Variants in MYCBP2 observed in about 807,000 individuals in gnomAD.
MYCBP2 encodes MYC binding protein 2, also known as E3 ubiquitin-protein ligase MYCBP2.
A neutral mutation model predicts 525.3 loss-of-function variants in MYCBP2; 120 were observed. The ratio of observed to expected loss-of-function variants is 0.23; its 90% confidence interval spans 0.20 to 0.27. MYCBP2 has a LOEUF of 0.27. MYCBP2 is among the 10% of genes least tolerant of loss of function. The pLI is 1.00. For synonymous variants in MYCBP2, 1,894 were observed against 1,955.8 expected (o/e 0.97, Z 0.83); for missense variants, 4,149 against 5,657.1 (o/e 0.73, Z 8.55).
intron 82 of MYCBP2, among the ~76,000 whole-genome samples, chr13:77,045,960 T>G (rs1374957270): frequency 6.6e-6 from 1 of 152,214 alleles, no homozygotes; most frequent in East Asian, 1.9e-4. Flanking sequence ...TTATTTTTAC[T>G]GATGAAAAAG....
intron 30 of MYCBP2, among the ~76,000 whole-genome samples, chr13:77,187,142 A>G (rs906029624): frequency 3.9e-5 from 6 of 152,190 alleles, no homozygotes; most frequent in Non-Finnish European, 8.8e-5. Context: ...ATGACTGAAT[A>G]AGTTTTGTAT....
chr13:77,196,505 C>T (rs775027257), intron 26 of MYCBP2, among the ~76,000 whole-genome samples: 3 of 152,188 alleles, frequency 2.0e-5, no homozygotes, highest in Non-Finnish European at 4.4e-5. Context: ...TGTGGCATGA[C>T]CCAACCTGAT....
intron 37 of MYCBP2, among the ~76,000 whole-genome samples, chr13:77,172,677 G>A (rs975856832): frequency 1.7e-4 from 26 of 152,206 alleles, no homozygotes; most frequent in African/African-American, 6.0e-4. Flanking sequence ...TGAACTAGGT[G>A]TAAAGTATGA....
At chr13:77,106,273 T>C (rs1173012566) in intron 55 of MYCBP2, among the ~76,000 whole-genome samples, 1 of 152,168 alleles carries the variant, frequency 6.6e-6, no homozygotes, top group Non-Finnish European at 1.5e-5. Context: ...AAATTAGTAA[T>C]ACATTATTTT....
At chr13:77,218,431 G>A (rs1233024941) in intron 20 of MYCBP2, among the ~76,000 whole-genome samples, 1 of 152,142 alleles carries the variant, frequency 6.6e-6, no homozygotes, top group Admixed American at 6.5e-5. Flanking sequence ...CAGTTAATGA[G>A]TCAAAACACA....
chr13:77,239,066 G>A (rs2068421537), intron 17 of MYCBP2, among the ~76,000 whole-genome samples: 1 of 152,138 alleles, frequency 6.6e-6, no homozygotes, highest in African/African-American at 2.4e-5. Flanking sequence ...GTTGCAGTGA[G>A]CCGAGATCGC....
chr13:77,112,070 T>G (rs2062678126), intron 55 of MYCBP2, among the ~76,000 whole-genome samples: 1 of 152,102 alleles, frequency 6.6e-6, no homozygotes, highest in South Asian at 2.1e-4. Flanking sequence ...ATTTGACATA[T>G]GTTAGCTTTT....
Position 77,062,599 on chromosome 13 carries a change from T to C in MYCBP2, c.12771A>G (p.Gln4257=), listed in dbSNP as rs760940252. The change falls in exon 74 of 83, where the codon CAA becomes CAG. Residue 4257 remains glutamine (Q), a synonymous_variant. Coordinates refer to ENST00000544440, the MANE Select transcript of MYCBP2 (RefSeq NM_015057.5). ...RWMGKDGQQK[Q]MPMCDNHDDG... ...TCTTACAAAATTCTGATCTTACCAT[T>C]TGTTTTTGTTGTCCATCCTTTCCCA... is the stretch of plus-strand genomic sequence containing the variant. The C allele has an allele frequency of 1.2e-6, 2 of 1,613,052 alleles. No homozygotes were observed. The highest frequency in any genetic ancestry group is 3.3e-5 in the Admixed American group (2 of 60,014).
intron 68 of MYCBP2, among the ~76,000 whole-genome samples, chr13:77,074,329 A>G (rs2041929026): frequency 6.6e-6 from 1 of 152,226 alleles, no homozygotes; most frequent in African/African-American, 2.4e-5. Flanking sequence ...AAATGTATAC[A>G]GTTCTAAAGA....
At position 77,246,545 on chromosome 13, in the gene MYCBP2, G is replaced by A. The variant is rs1218810389; in HGVS notation, c.2382-2594C>T. On this transcript the variant is annotated intron_variant, in intron 15 of 82. Coordinates refer to ENST00000544440, the MANE Select transcript of MYCBP2 (RefSeq NM_015057.5). ...GAAGGAGGAAAAGAAGGAGAAGGAG[G>A]AGGAGGAGGAGCAGGAGGAGAAGGA... 4.7e-5 allele frequency among the ~76,000 whole-genome samples: 7 copies of A among 150,398 alleles called. No homozygotes were observed. In the Admixed American group the frequency reaches 4.7e-4, roughly 10 times the overall value.
intron 18 of MYCBP2, among the ~76,000 whole-genome samples, chr13:77,227,991 TA>T (rs1331490404): frequency 6.6e-6 from 1 of 151,972 alleles, no homozygotes; most frequent in Non-Finnish European, 1.5e-5. Context: ...ATCTTACAAG[TA>T]AAAAAATTGA....
At chr13:77,251,106 A>C (rs775286447) in intron 15 of MYCBP2, 45 bp downstream of exon 15, 2 of 1,583,302 alleles carry the variant, frequency 1.3e-6, no homozygotes, top group Non-Finnish European at 1.7e-6. Flanking sequence ...TTTGCAAAGA[A>C]ATGTGTTCTG....
chr13:77,211,135 T>C, intron 23 of MYCBP2, 32 bp downstream of exon 23: 2 of 1,392,906 alleles, frequency 1.4e-6, no homozygotes, highest in Non-Finnish European at 1.9e-6. Context: ...GCATCAAAAC[T>C]TATTGACTAT....
chr13:77,310,460 T>C (rs933880100), intron 1 of MYCBP2, among the ~76,000 whole-genome samples: 2 of 152,196 alleles, frequency 1.3e-5, no homozygotes, highest in Non-Finnish European at 2.9e-5. Context: ...TTATATATAT[T>C]GTCTGTGGTT....
intron 18 of MYCBP2, among the ~76,000 whole-genome samples, chr13:77,229,517 A>G (rs1356347771): frequency 1.3e-5 from 2 of 152,216 alleles, no homozygotes; most frequent in African/African-American, 4.8e-5. Context: ...AATCTCAAAT[A>G]TTGTACCTTT....
chr13:77,189,060 G>C lies in MYCBP2; in HGVS notation c.4155-13C>G. On this transcript the variant is annotated splice_polypyrimidine_tract_variant and intron_variant, in intron 29 of 82. Transcript: ENST00000544440. ...ACTGGTTGGAAGTCTAAAGGCAGTA[G>C]ACACATATAAAATTATGTTAGAAAG... is the stretch of plus-strand genomic sequence containing the variant. The C allele has an allele frequency of 6.4e-7, 1 of 1,566,664 alleles. No individual in the cohort carries two copies.
chr13:77,121,240 T>C, intron 55 of MYCBP2, 133 bp downstream of exon 55: 1 of 868,392 alleles, frequency 1.2e-6, no homozygotes, highest in Non-Finnish European at 1.6e-6. Context: ...TAAACATTTT[T>C]TATTAGCTTT....
In MYCBP2 at chr13:77,294,131, C is replaced by CACATATAT. The variant is rs1555465826; in HGVS notation, c.378+2467_378+2468insATATATGT. 2.4e-4 allele frequency among the ~76,000 whole-genome samples: 16 copies of CACATATAT among 65,710 alleles called. 1 individual carries two copies. The highest frequency in any genetic ancestry group is 5.4e-4 in the South Asian group (1 of 1,868). The allele number at this position is 65,710 out of a possible 152,430, so 43.1% of individuals were successfully genotyped here. A position where few individuals can be genotyped will look rare whatever the true frequency, so the allele number is the denominator to read the frequency against. On this transcript the variant is annotated intron_variant, in intron 2 of 82. Transcript: ENST00000544440. ...ATATATATATATATATATATATATA[C>CACATATAT]ATATATATATACATATATATAAAAT...
At chr13:77,174,221 T>C in intron 37 of MYCBP2, 90 bp downstream of exon 37, 6 of 1,168,512 alleles carry the variant, frequency 5.1e-6, no homozygotes, top group Non-Finnish European at 6.1e-6. Flanking sequence ...AATTTAATTA[T>C]AAGTATCCAG....
Sources: allele counts gnomAD v4.1 joint callset (sites outside exome capture counted in the v4.1 genomes callset), GRCh38; gene constraint gnomAD v4.1.1; transcripts MANE v1.5; gene names NCBI Gene and HGNC (gene_info 2026-07-23, HGNC 2026-07-21).